Variants in KIAA1549 observed in about 807,000 individuals in gnomAD.
The protein encoded by KIAA1549 is UPF0606 protein KIAA1549.
KIAA1549 carries 70 observed loss-of-function variants against 156.4 expected under a neutral mutation model. That is an observed-to-expected ratio of 0.45 (90% CI 0.37 to 0.55). The LOEUF (loss-of-function observed/expected upper bound fraction) is 0.55. Among genes scored for constraint, KIAA1549 ranks in the 20% least tolerant of loss-of-function variants. The pLI is 0.00. For synonymous variants in KIAA1549, 1,103 were observed against 1,066.4 expected, an observed-to-expected ratio of 1.03 and a Z score of -0.67; for missense variants, 2,428 against 2,540.9, an observed-to-expected ratio of 0.96 and a Z score of 0.96.
chr7:138,883,272 CAA>C (rs1292571753), intron 10 of KIAA1549, among the ~76,000 whole-genome samples: 12 of 56,288 alleles, frequency 2.1e-4, no homozygotes, highest in East Asian at 1.8e-3. Flanking sequence ...GACTCCATCT[CAA>C]AAAAAAAAAA....
intron 18 of KIAA1549, 86 bp from the exon 19 acceptor site, chr7:138,840,364 A>T: frequency 8.6e-7 from 1 of 1,165,132 alleles, no homozygotes; most frequent in Non-Finnish European, 1.2e-6. Flanking sequence ...GACACTGTCA[A>T]CTCTGACCAC....
chr7:138,932,399 G>GA (rs145468320), intron 1 of KIAA1549, among the ~76,000 whole-genome samples: 24,245 of 149,298 alleles, frequency 0.16, 2,780 homozygotes, highest in African/African-American at 0.33. Context: ...GAAAGGAACA[G>GA]AAAAAAAAAA....
chr7:138,863,990 T>C (rs186793544), intron 15 of KIAA1549, among the ~76,000 whole-genome samples: 1 of 152,254 alleles, frequency 6.6e-6, no homozygotes, highest in Non-Finnish European at 1.5e-5. Flanking sequence ...AATTCTTGAT[T>C]TTCTTGAGGA....
chr7:138,955,505 G>T (rs1315212957), intron 1 of KIAA1549, among the ~76,000 whole-genome samples: 1 of 152,198 alleles, frequency 6.6e-6, no homozygotes, highest in Non-Finnish European at 1.5e-5. Context: ...GATGGGTACA[G>T]AGGTTCTATT....
Position 138,861,015 on chromosome 7 carries a change from T to C in KIAA1549, c.5247+124A>G, listed in dbSNP as rs1810554536. ...AGTAGAAGATAAAAACTAAGACCCA[T>C]CACCCGAGTTTTAATTCTTATCAAA... is the stretch of plus-strand genomic sequence containing the variant. On this transcript the variant is annotated intron_variant, in intron 16 of 19. Coordinates refer to ENST00000422774, the MANE Select transcript of KIAA1549 (RefSeq NM_001164665.2). The C allele has an allele frequency of 1.1e-5, 10 of 870,836 alleles. 1 individual carries two copies. In the South Asian group the frequency reaches 1.4e-4, roughly 12 times the overall value. 53.9% of individuals were successfully genotyped at this position (870,836 alleles called of 1,614,324 possible). A position where few individuals can be genotyped will look rare whatever the true frequency, so the allele number is the denominator to read the frequency against.
At chr7:138,858,812 C>G (rs558094821) in intron 16 of KIAA1549, among the ~76,000 whole-genome samples, 1 of 152,180 alleles carries the variant, frequency 6.6e-6, no homozygotes, top group African/African-American at 2.4e-5. Context: ...TCGAGACCAT[C>G]CTGGCTACAT....
intron 4 of KIAA1549, among the ~76,000 whole-genome samples, chr7:138,910,892 C>T (rs1403295102): frequency 1.3e-5 from 2 of 151,670 alleles, no homozygotes; most frequent in Non-Finnish European, 2.9e-5. Flanking sequence ...ATTAGCCACG[C>T]ATGGTGGTAT....
intron 1 of KIAA1549, among the ~76,000 whole-genome samples, chr7:138,936,971 T>C (rs1329918820): frequency 3.3e-5 from 5 of 152,126 alleles, no homozygotes; most frequent in African/African-American, 1.2e-4. Flanking sequence ...CAATTCTGTA[T>C]ATATGAAGTT....
At chr7:138,838,773 G>A (rs1809822756) in intron 19 of KIAA1549, among the ~76,000 whole-genome samples, 1 of 152,036 alleles carries the variant, frequency 6.6e-6, no homozygotes, top group African/African-American at 2.4e-5. Flanking sequence ...TAAGTTATTT[G>A]TGAGCCAAAC....
intron 8 of KIAA1549, among the ~76,000 whole-genome samples, chr7:138,901,271 G>C (rs1375597146): frequency 6.6e-6 from 1 of 150,650 alleles, no homozygotes; most frequent in African/African-American, 2.4e-5. Flanking sequence ...CATGAATTCT[G>C]TATTAACATT....
At chr7:138,925,353 ACCTAGGCCAAT>A (rs1270308016) in intron 1 of KIAA1549, among the ~76,000 whole-genome samples, 2 of 152,076 alleles carry the variant, frequency 1.3e-5, no homozygotes, top group Non-Finnish European at 2.9e-5. Flanking sequence ...ATCCTTTAAG[ACCTAGGCCAAT>A]CCCTCATGGT....
chr7:138,891,735 A>G (rs147018058), intron 10 of KIAA1549, among the ~76,000 whole-genome samples: 1 of 152,238 alleles, frequency 6.6e-6, no homozygotes, highest in East Asian at 1.9e-4. Flanking sequence ...GAGGCGCATC[A>G]GGAGGTGGGG....
Position 138,852,227 on chromosome 7 carries a change from G to A in KIAA1549, c.5290C>T (p.Pro1764Ser), listed in dbSNP as rs764663624. The A allele has an allele frequency of 1.8e-5, 29 of 1,608,932 alleles. No homozygotes were observed. The highest frequency in any genetic ancestry group is 2.3e-5 in the Non-Finnish European group (27 of 1,176,566). Reference sequence around the variant, plus strand: ...ATTTTGTTTTGAAAACCTTACCTTGGCAATGGACCCGTCGGGGGAGTCATT... The same window carrying A: ...ATTTTGTTTTGAAAACCTTACCTTGACAATGGACCCGTCGGGGGAGTCATT... ...YGMTPPTGPL[P>S]RPGFGPGLLQ... The change falls in exon 17 of 20, where the codon CCA (proline) becomes TCA (serine). Residue 1764 changes from proline to serine, a missense_variant. Coordinates refer to ENST00000422774, the MANE Select transcript of KIAA1549 (RefSeq NM_001164665.2).
chr7:138,906,767 C>A (rs1432081746), intron 6 of KIAA1549, among the ~76,000 whole-genome samples, 152 bp downstream of exon 6: 1 of 152,034 alleles, frequency 6.6e-6, no homozygotes, highest in African/African-American at 2.4e-5. Context: ...CTTACTCGTG[C>A]AACCAAATAC....
At chr7:138,904,506 T>C (rs1204371459) in intron 7 of KIAA1549, among the ~76,000 whole-genome samples, 1 of 151,958 alleles carries the variant, frequency 6.6e-6, no homozygotes, top group East Asian at 1.9e-4. Flanking sequence ...CTGTGCTGCA[T>C]GCACACTGGA....
rs376439234 is a variant in KIAA1549 at position 138,924,120 on chromosome 7, A to T, written c.188-4682T>A. On this transcript the variant is annotated intron_variant, in intron 1 of 19. Coordinates refer to ENST00000422774, the MANE Select transcript of KIAA1549 (RefSeq NM_001164665.2). ...TACTTACCTGTCACATCCCAAGCAC[A>T]GGTAAAAGAAAACACGATACTTATT... is the stretch of plus-strand genomic sequence containing the variant. 1.8e-4 allele frequency among the ~76,000 whole-genome samples: 27 copies of T among 152,158 alleles called. No individual in the cohort carries two copies. The East Asian group carries it at 4.6e-3, about 26-fold the overall frequency.
rs1051008921 is a variant in KIAA1549 at position 138,833,826 on chromosome 7, T to C, written c.*4080A>G. The stretch of plus-strand genomic sequence containing the variant: ...GCCTCCCCCACACTGGAGTACTTCC[T>C]CTGTAGATCTTCACAGCCCTGGTCG... On this transcript the variant is annotated 3_prime_UTR_variant, in exon 20 of 20. Coordinates refer to ENST00000422774, the MANE Select transcript of KIAA1549 (RefSeq NM_001164665.2). 55 of 233,276 alleles carry C rather than the reference T, an allele frequency of 2.4e-4. No individual in the cohort carries two copies. The highest frequency in any genetic ancestry group is 1.1e-3 in the African/African-American group (52 of 45,456). The allele number at this position is 233,276 out of a possible 1,614,324, so 14.5% of individuals were successfully genotyped here.
chr7:138,894,252 T>C, intron 10 of KIAA1549, 90 bp downstream of exon 10: 1 of 1,262,474 alleles, frequency 7.9e-7, no homozygotes, highest in Non-Finnish European at 1.1e-6. Context: ...TCCCTCTTCC[T>C]CATCTTTCAG....
intron 1 of KIAA1549, among the ~76,000 whole-genome samples, chr7:138,951,134 C>T (rs1207958021): frequency 1.3e-5 from 2 of 152,012 alleles, no homozygotes; most frequent in African/African-American, 2.4e-5. Context: ...GGTGCAATCT[C>T]GGCTCACTGC....
Sources: gnomAD v4.1 joint callset for allele counts (sites outside exome capture counted in the v4.1 genomes callset) on GRCh38, gnomAD v4.1.1 for gene constraint, MANE v1.5 for transcripts, NCBI Gene and HGNC (gene_info 2026-07-23, HGNC 2026-07-21) for gene names.